The following CNTNAP2 variants were observed in gnomAD, a reference collection of about 807,000 sequenced individuals.
CNTNAP2 encodes the protein contactin-associated protein-like 2.
A neutral mutation model predicts 155.2 loss-of-function variants in CNTNAP2; 98 were observed. The ratio of observed to expected loss-of-function variants is 0.63; its 90% CI spans 0.54 to 0.75. CNTNAP2 has a LOEUF of 0.75. Among genes scored for constraint, CNTNAP2 ranks in the 30% least tolerant of loss-of-function variants. CNTNAP2 has a pLI of 0.00. For synonymous variants in CNTNAP2, 651 were observed against 631.2 expected, an observed-to-expected ratio of 1.03 and a Z score of -0.47; for missense variants, 1,727 against 1,688.1, an observed-to-expected ratio of 1.02 and a Z score of -0.40.
intron 14 of CNTNAP2, among the ~76,000 whole-genome samples, chr7:147,945,635 C>T (rs1800806615): frequency 6.6e-6 from 1 of 151,480 alleles, no homozygotes; most frequent in Non-Finnish European, 1.5e-5. Context: ...TACAACACCT[C>T]GAAGGGCAGT....
chr7:146,305,407 G>T (rs1800691406), intron 1 of CNTNAP2, among the ~76,000 whole-genome samples: 1 of 152,064 alleles, frequency 6.6e-6, no homozygotes, highest in South Asian at 2.1e-4. Context: ...CATCTTTGTG[G>T]TTTTATCTAC....
intron 18 of CNTNAP2, among the ~76,000 whole-genome samples, chr7:148,186,937 A>G (rs986267658): frequency 1.3e-5 from 2 of 152,162 alleles, no homozygotes; most frequent in African/African-American, 4.8e-5. Flanking sequence ...AGAATGGTAA[A>G]TTAATGAGAT....
At chr7:147,278,481 G>A (rs1007978889) in intron 8 of CNTNAP2, among the ~76,000 whole-genome samples, 1 of 151,520 alleles carries the variant, frequency 6.6e-6, no homozygotes, top group Non-Finnish European at 1.5e-5. Flanking sequence ...AAGTATAGTT[G>A]GGGACAAAAT....
intron 21 of CNTNAP2, among the ~76,000 whole-genome samples, chr7:148,346,833 C>T (rs866308557): frequency 2.2e-4 from 33 of 151,778 alleles, no homozygotes; most frequent in Middle Eastern, 3.4e-3. Context: ...TTTGCACCAA[C>T]CTAATACTTA....
At chr7:146,460,060 G>A (rs557836278) in intron 1 of CNTNAP2, among the ~76,000 whole-genome samples, 64 of 152,242 alleles carry the variant, frequency 4.2e-4, no homozygotes, top group African/African-American at 1.4e-3. Context: ...ACAAAATGGC[G>A]GCCAAGCTTG....
intron 13 of CNTNAP2, among the ~76,000 whole-genome samples, chr7:147,821,999 A>G (rs1192723638): frequency 6.6e-6 from 1 of 152,280 alleles, no homozygotes; most frequent in East Asian, 1.9e-4. Flanking sequence ...ACATCACATA[A>G]GCCAAGAAAC....
At chr7:147,478,046 T>C (rs1798352275) in intron 10 of CNTNAP2, among the ~76,000 whole-genome samples, 1 of 152,212 alleles carries the variant, frequency 6.6e-6, no homozygotes, top group Non-Finnish European at 1.5e-5. Flanking sequence ...AAATGTATTA[T>C]GTCATAATAA....
At chr7:148,036,377 T>C (rs1802574061) in intron 15 of CNTNAP2, among the ~76,000 whole-genome samples, 1 of 152,098 alleles carries the variant, frequency 6.6e-6, no homozygotes, top group Non-Finnish European at 1.5e-5. Context: ...TGGGAGGTGT[T>C]TGGATCATGG....
chr7:146,384,696 C>T (rs919448750), intron 1 of CNTNAP2, among the ~76,000 whole-genome samples: 2 of 151,848 alleles, frequency 1.3e-5, no homozygotes, highest in African/African-American at 4.8e-5. Context: ...AAGAGACAGC[C>T]AAGACTAATG....
chr7:147,255,294 T>A (rs1804296387), intron 8 of CNTNAP2, among the ~76,000 whole-genome samples: 1 of 152,160 alleles, frequency 6.6e-6, no homozygotes, highest in Non-Finnish European at 1.5e-5. Context: ...GAATCTCAAC[T>A]CACTGCAACC....
chr7:147,136,414 T>G (rs950607960), intron 8 of CNTNAP2, among the ~76,000 whole-genome samples: 4 of 151,960 alleles, frequency 2.6e-5, no homozygotes, highest in African/African-American at 7.2e-5. Flanking sequence ...TCAGAAAAGA[T>G]TTTCTCATTT....
At chr7:147,504,952 G>A (rs531974007) in intron 11 of CNTNAP2, among the ~76,000 whole-genome samples, 23 of 151,630 alleles carry the variant, frequency 1.5e-4, no homozygotes, top group African/African-American at 3.9e-4. Context: ...ACACACACAC[G>A]CATGCACACA....
intron 1 of CNTNAP2, among the ~76,000 whole-genome samples, chr7:146,438,282 A>G (rs1454432739): frequency 2.7e-5 from 3 of 110,188 alleles, no homozygotes; most frequent in African/African-American, 1.6e-4. Flanking sequence ...TATCCATAGA[A>G]GCTTTTTTTT....
At chr7:146,198,345 G>A (rs1348084424) in intron 1 of CNTNAP2, among the ~76,000 whole-genome samples, 2 of 152,078 alleles carry the variant, frequency 1.3e-5, no homozygotes, top group African/African-American at 2.4e-5. Context: ...TTCCAAAGTT[G>A]TGTCAAATAG....
At position 146,245,349 on chromosome 7, in the gene CNTNAP2, T is replaced by C. The variant is rs184918862; in HGVS notation, c.97+128376T>C. 6.1e-4 allele frequency among the ~76,000 whole-genome samples: 93 copies of C among 152,242 alleles called. No homozygotes were observed. In the East Asian group the frequency reaches 0.017, roughly 27 times the overall value. On this transcript the variant is annotated intron_variant, in intron 1 of 23. Coordinates refer to ENST00000361727, the MANE Select transcript of CNTNAP2 (RefSeq NM_014141.6). The stretch of plus-strand genomic sequence containing the variant: ...GCTGAAGGAGCCAGGGAGCAGAAAG[T>C]ATATGCGTCAGCTATGAGGAAGAAA...
At chr7:147,725,460 G>A (rs994640395) in intron 13 of CNTNAP2, among the ~76,000 whole-genome samples, 8 of 152,012 alleles carry the variant, frequency 5.3e-5, no homozygotes, top group East Asian at 3.9e-4. Context: ...ATGCTTCTGC[G>A]TTTTTATATT....
intron 18 of CNTNAP2, among the ~76,000 whole-genome samples, chr7:148,204,464 A>G (rs2116735516): frequency 6.6e-6 from 1 of 152,390 alleles, no homozygotes; most frequent in Admixed American, 6.5e-5. Flanking sequence ...ATTTCAGAAC[A>G]CATATGGGAA....
At chr7:147,801,465 C>A (rs1395670666) in intron 13 of CNTNAP2, among the ~76,000 whole-genome samples, 1 of 151,892 alleles carries the variant, frequency 6.6e-6, no homozygotes, top group African/African-American at 2.4e-5. Flanking sequence ...GCAGAGCACC[C>A]TGCGGCCTTC....
chr7:147,728,173 ATGTGTG>A (rs72352266), intron 13 of CNTNAP2, among the ~76,000 whole-genome samples: 16 of 91,568 alleles, frequency 1.7e-4, no homozygotes, highest in African/African-American at 3.8e-4. Context: ...TACACACACA[ATGTGTG>A]TGTGTGTGTG....
Sources: gnomAD v4.1 joint callset for allele counts (sites outside exome capture counted in the v4.1 genomes callset) on GRCh38, gnomAD v4.1.1 for gene constraint, MANE v1.5 for transcripts, NCBI Gene and HGNC (gene_info 2026-07-23, HGNC 2026-07-21) for gene names.